The following FYB1 variants were observed in gnomAD, a reference collection of about 807,000 sequenced individuals.
FYB1 encodes the protein FYN-binding protein 1.
FYB1 carries 41 observed loss-of-function variants against 94.1 expected under a neutral mutation model. That is an observed-to-expected ratio of 0.44 (90% CI 0.34 to 0.57). The LOEUF is 0.57. FYB1 is among the 20% of genes least tolerant of loss of function. FYB1 has a pLI of 0.02. For synonymous variants in FYB1, 367 were observed against 353.2 expected (o/e 1.04, Z -0.44); for missense variants, 1,050 against 976.8 (o/e 1.07, Z -1.00).
intron 10 of FYB1, among the ~76,000 whole-genome samples, chr5:39,128,095 T>C (rs1740855451): frequency 6.6e-6 from 1 of 151,996 alleles, no homozygotes; most frequent in Non-Finnish European, 1.5e-5. Flanking sequence ...AGTTAAATAT[T>C]TATTGTGGAA....
intron 1 of FYB1, chr5:39,270,849 T>G: frequency 2.5e-6 from 1 of 398,096 alleles, no homozygotes. Flanking sequence ...GACACAAAAT[T>G]TTTTAGAAGT....
At chr5:39,210,720 C>A (rs552705841) in intron 1 of FYB1, among the ~76,000 whole-genome samples, 1 of 152,154 alleles carries the variant, frequency 6.6e-6, no homozygotes, top group African/African-American at 2.4e-5. Context: ...AAGTTAAATA[C>A]GACTTTCTAG....
At chr5:39,234,200 T>C (rs1750862580) in intron 1 of FYB1, among the ~76,000 whole-genome samples, 1 of 152,152 alleles carries the variant, frequency 6.6e-6, no homozygotes, top group South Asian at 2.1e-4. Flanking sequence ...ATAAAGAGTA[T>C]GAGAAAAGGT....
chr5:39,238,077 T>C (rs1163597430), intron 1 of FYB1, among the ~76,000 whole-genome samples: 2 of 152,182 alleles, frequency 1.3e-5, no homozygotes, highest in East Asian at 3.9e-4. Context: ...ACTGAGAAGA[T>C]ACAAATGAAC....
chr5:39,183,238 G>A (rs990421141), intron 2 of FYB1, among the ~76,000 whole-genome samples: 5 of 151,990 alleles, frequency 3.3e-5, no homozygotes, highest in African/African-American at 1.2e-4. Context: ...CACCTGTCTC[G>A]GCCTCCCAAA....
At chr5:39,173,696 G>C (rs1745459883) in intron 2 of FYB1, among the ~76,000 whole-genome samples, 1 of 152,080 alleles carries the variant, frequency 6.6e-6, no homozygotes. Context: ...TATTGAAAAG[G>C]GAGTCCTTTC....
intron 1 of FYB1, among the ~76,000 whole-genome samples, chr5:39,252,945 G>A (rs1204431302): frequency 6.6e-6 from 1 of 152,196 alleles, no homozygotes; most frequent in Non-Finnish European, 1.5e-5. Flanking sequence ...GAAGCACTTA[G>A]TAAAATGTTA....
chr5:39,232,379 C>T (rs562871743), intron 1 of FYB1, among the ~76,000 whole-genome samples: 3 of 152,158 alleles, frequency 2.0e-5, no homozygotes, highest in East Asian at 1.9e-4. Context: ...CCACTCTACC[C>T]GTTCTCCTTG....
chr5:39,134,779 G>A, intron 8 of FYB1, 76 bp downstream of exon 8: 3 of 1,506,296 alleles, frequency 2.0e-6, no homozygotes, highest in Non-Finnish European at 1.8e-6. Flanking sequence ...CCTATGACGA[G>A]TTCTGGAGGA....
At chr5:39,213,828 T>G (rs1561277220) in intron 1 of FYB1, among the ~76,000 whole-genome samples, 2 of 152,108 alleles carry the variant, frequency 1.3e-5, no homozygotes, top group Non-Finnish European at 2.9e-5. Context: ...ATTGTCTGCC[T>G]GAGATGGTGA....
chr5:39,196,794 C>T (rs891942372), intron 2 of FYB1, among the ~76,000 whole-genome samples: 4 of 152,170 alleles, frequency 2.6e-5, no homozygotes, highest in Admixed American at 6.5e-5. Context: ...ACACAGTCTG[C>T]GGAATCAGAA....
chr5:39,182,888 C>T (rs942931944), intron 2 of FYB1, among the ~76,000 whole-genome samples: 22 of 152,148 alleles, frequency 1.4e-4, no homozygotes, highest in Admixed American at 3.9e-4. Flanking sequence ...TCATTATCCT[C>T]CAAAGTTGTT....
At chr5:39,125,911 G>A in intron 12 of FYB1, 87 bp downstream of exon 12, 1 of 1,310,844 alleles carries the variant, frequency 7.6e-7, no homozygotes, top group Non-Finnish European at 1.1e-6. Context: ...TCAGAATTTG[G>A]TTATTGGTTA....
At chr5:39,252,214 A>G (rs1751744497) in intron 1 of FYB1, among the ~76,000 whole-genome samples, 1 of 151,970 alleles carries the variant, frequency 6.6e-6, no homozygotes, top group Non-Finnish European at 1.5e-5. Flanking sequence ...GGCTCAAAAC[A>G]GAGTCATAAT....
At chr5:39,173,927 C>G (rs1745478184) in intron 2 of FYB1, among the ~76,000 whole-genome samples, 1 of 151,844 alleles carries the variant, frequency 6.6e-6, no homozygotes, top group Admixed American at 6.6e-5. Flanking sequence ...TCTATTCAGT[C>G]TTTTTTTTGA....
intron 2 of FYB1, among the ~76,000 whole-genome samples, chr5:39,165,929 T>C (rs1420580314): frequency 6.6e-6 from 1 of 152,192 alleles, no homozygotes; most frequent in East Asian, 1.9e-4. Context: ...CAATGAGATA[T>C]CATCGTACAG....
At chr5:39,190,146 C>T (rs1177002159) in intron 2 of FYB1, among the ~76,000 whole-genome samples, 1 of 152,192 alleles carries the variant, frequency 6.6e-6, no homozygotes, top group Non-Finnish European at 1.5e-5. Flanking sequence ...ATTCTCTGTG[C>T]TTTCTCAGTA....
chr5:39,192,660 G>A (rs1186698313), intron 2 of FYB1, among the ~76,000 whole-genome samples: 1 of 152,190 alleles, frequency 6.6e-6, no homozygotes, highest in Non-Finnish European at 1.5e-5. Context: ...ACTAAGAAAA[G>A]CGACAGTTCC....
At chr5:39,136,355 C>G (rs1196904365) in intron 7 of FYB1, among the ~76,000 whole-genome samples, 1 of 152,070 alleles carries the variant, frequency 6.6e-6, no homozygotes, top group South Asian at 2.1e-4. Flanking sequence ...AGGCCTGAGC[C>G]ACCACGCCTG....
Sources: gnomAD v4.1 joint callset for allele counts (sites outside exome capture counted in the v4.1 genomes callset) on GRCh38, gnomAD v4.1.1 for gene constraint, MANE v1.5 for transcripts, NCBI Gene and HGNC (gene_info 2026-07-23, HGNC 2026-07-21) for gene names.